PBX2: variants seen among roughly 807,000 people sequenced by gnomAD.
PBX2 encodes the protein pre-B-cell leukemia transcription factor 2.
A neutral mutation model predicts 46.5 loss-of-function variants in PBX2; 10 were observed. The observed-to-expected ratio is 0.21, with a 90% CI of 0.13 to 0.36. The LOEUF (loss-of-function observed/expected upper bound fraction) is 0.36, where lower values mean the gene tolerates loss of function less well. Ranked by LOEUF, PBX2 falls within the 10% of genes least tolerant of loss-of-function variation. The pLI, the probability that PBX2 is intolerant of heterozygous loss-of-function variation, is 1.00. For missense variants in PBX2, 392 were observed against 580.5 expected (o/e 0.68, Z 3.34); for synonymous variants, 160 against 222.5 (o/e 0.72, Z 2.50).
In PBX2 at chr6:32,188,931, T is replaced by G; in HGVS notation, c.222-135A>C. On this transcript the variant is annotated intron_variant, in intron 1 of 8. Coordinates refer to ENST00000375050, the MANE Select transcript of PBX2 (RefSeq NM_002586.5). This position sits in a 1 kb window ranked among gnomAD's most constrained non-coding sequence, Gnocchi z 6.5. ...GATTGGGGGTGGAATGAGTTGGGGG[T>G]GGAATGAGGAGTTCTTGGGAAAAGA... 3 of 691,232 alleles carry G rather than the reference T, an allele frequency of 4.3e-6. No individual in the cohort carries two copies. Among genetic ancestry groups the G allele is most frequent in the African/African-American group, 1.8e-5 (1 of 55,168 alleles). The allele number at this position is 691,232 out of a possible 1,614,324, so 42.8% of individuals were successfully genotyped here. A position where few individuals can be genotyped will look rare whatever the true frequency, so the allele number is the denominator to read the frequency against.
In PBX2 at chr6:32,187,242, C is replaced by T; in HGVS notation, c.1024G>A (p.Gly342Ser). ...TSSPTPPSSA[G>S]SGGSFNLSGS... Reference sequence around the variant, plus strand: ...CAGCCGGGGTGACAGTGGGATCCACCTGCAGAGGAAGGGGGTGTCGGGGAG... The same window carrying T: ...CAGCCGGGGTGACAGTGGGATCCACTTGCAGAGGAAGGGGGTGTCGGGGAG... The change falls in exon 6 of 9, where the codon GGC becomes AGC. Residue 342 changes from glycine to serine, a missense_variant and splice_region_variant. Transcript: ENST00000375050. This position sits in a 1 kb window ranked among gnomAD's most constrained non-coding sequence, Gnocchi z 7.7. 6.2e-7 allele frequency: 1 copy of T among 1,612,816 alleles called. No individual in the cohort carries two copies. Among genetic ancestry groups the T allele is most frequent in the East Asian group, 2.2e-5 (1 of 44,892 alleles).
At position 32,188,961 on chromosome 6, in the gene PBX2, C is replaced by T; in HGVS notation, c.222-165G>A. ...TGAGGAGTTCTTGGGAAAAGATCAGCTCCCAGAGCATGGGGAAGCTCCTCA... is the reference window on the plus strand; with the variant it reads ...TGAGGAGTTCTTGGGAAAAGATCAGTTCCCAGAGCATGGGGAAGCTCCTCA... On this transcript the variant is annotated intron_variant, in intron 1 of 8. Transcript: ENST00000375050. This position sits in a 1 kb window ranked among gnomAD's most constrained non-coding sequence, Gnocchi z 6.5. 1.6e-6 allele frequency: 1 copy of T among 632,138 alleles called. No individual in the cohort carries two copies. Among genetic ancestry groups the T allele is most frequent in the East Asian group, 2.7e-5 (1 of 37,138 alleles). The allele number at this position is 632,138 out of a possible 1,614,324, so 39.2% of individuals were successfully genotyped here. A position where few individuals can be genotyped will look rare whatever the true frequency, so the allele number is the denominator to read the frequency against.
At position 32,186,712 on chromosome 6, in the gene PBX2, A is replaced by T. The variant is rs781731022; in HGVS notation, c.1114-22T>A. ...CCACCTGCAGGCAGCAGAGGAAGGT[A>T]TGACAGTGAAGAGAAGCCTCAGAGG... On this transcript the variant is annotated intron_variant, in intron 7 of 8. Coordinates refer to ENST00000375050, the MANE Select transcript of PBX2 (RefSeq NM_002586.5). The surrounding 1 kb of genome is among the most constrained non-coding windows in gnomAD (Gnocchi z 4.2). The T allele has an allele frequency of 6.2e-7, 1 of 1,604,246 alleles. No homozygotes were observed. The highest frequency in any genetic ancestry group is 8.5e-7 in the Non-Finnish European group (1 of 1,170,974).
Position 32,187,084 on chromosome 6 carries a change from C to T in PBX2, c.1024+158G>A. On this transcript the variant is annotated intron_variant, in intron 6 of 8. Coordinates refer to ENST00000375050, the MANE Select transcript of PBX2 (RefSeq NM_002586.5). This position sits in a 1 kb window ranked among gnomAD's most constrained non-coding sequence, Gnocchi z 7.7. ...GGGAAGAAAGGCAGAACTAAGATCA[C>T]TGGAATGGCCTCTGTCCCCTGACAT... The T allele has an allele frequency of 2.8e-6, 3 of 1,063,400 alleles. No individual in the cohort carries two copies. Among genetic ancestry groups the T allele is most frequent in the South Asian group, 1.5e-5 (1 of 65,144 alleles). The allele number at this position is 1,063,400 out of a possible 1,614,324, so 65.9% of individuals were successfully genotyped here.
Position 32,187,593 on chromosome 6 carries a change from T to C in PBX2, c.870+54A>G. 4 of 1,555,870 alleles carry C rather than the reference T, an allele frequency of 2.6e-6. No individual in the cohort carries two copies. Among genetic ancestry groups the C allele is most frequent in the East Asian group, 2.3e-5 (1 of 42,642 alleles). ...GATTACAGGAACACACCACTGCACC[T>C]AGCTGAGATGCGTGCACTTTGCCTG... On this transcript the variant is annotated intron_variant, in intron 5 of 8. Transcript: ENST00000375050. The surrounding 1 kb of genome is among the most constrained non-coding windows in gnomAD (Gnocchi z 7.7).
At position 32,186,570 on chromosome 6, in the gene PBX2, A is replaced by T; in HGVS notation, c.1200+34T>A. ...GGAAAATGCCCCTCTGTCCTGTGAG[A>T]ACTGGACAGAGAGGAGCTTCAGGAT... is the stretch of plus-strand genomic sequence containing the variant. On this transcript the variant is annotated intron_variant, in intron 8 of 8. Coordinates refer to ENST00000375050, the MANE Select transcript of PBX2 (RefSeq NM_002586.5). The surrounding 1 kb of genome is among the most constrained non-coding windows in gnomAD (Gnocchi z 4.2). 6.4e-7 allele frequency: 1 copy of T among 1,563,784 alleles called. No individual in the cohort carries two copies. The highest frequency in any genetic ancestry group is 8.8e-7 in the Non-Finnish European group (1 of 1,134,078).
Position 32,189,865 on chromosome 6 carries a change from GC to G in PBX2, c.50del (p.Gly17AlafsTer5), listed in dbSNP as rs773143486. ...CAGGCTCCCCACTCACCAATCCCAG[GC>G]CCCCCCGGCCCCCGCCTGGAGGGGG... ...GPPPPGGGRG[G>X]LGLVSGEPGG... On this transcript the variant is annotated frameshift_variant, in exon 1 of 9. Coordinates refer to ENST00000375050, the MANE Select transcript of PBX2 (RefSeq NM_002586.5). LOFTEE classifies it high-confidence loss of function. The surrounding 1 kb of genome is among the most constrained non-coding windows in gnomAD (Gnocchi z 4.7). 7.9e-5 allele frequency: 117 copies of G among 1,481,738 alleles called. No homozygotes were observed. Among genetic ancestry groups the G allele is most frequent in the Middle Eastern group, 2.4e-4 (1 of 4,154 alleles). The allele number at this position is 1,481,738 out of a possible 1,614,324, so 91.8% of individuals were successfully genotyped here.
rs745957488 is a variant in PBX2 at position 32,188,451 on chromosome 6, G to C, written c.349C>G (p.Arg117Gly). ...EEEPVDPQLM[R>G]LDNMLLAEGV... is the part of the protein sequence containing the mutation. Reference sequence around the variant, plus strand: ...TCTGCCAGAAGCATGTTGTCCAAGCGCATCAGCTGTGGGTCCACCGGCTCC... The same window carrying C: ...TCTGCCAGAAGCATGTTGTCCAAGCCCATCAGCTGTGGGTCCACCGGCTCC... Residue 117 changes from arginine (R) to glycine (G), a missense_variant, in exon 3 of 9, where the codon CGC (arginine) becomes GGC (glycine). By Grantham distance (125) the Arg-to-Gly change is moderately radical. This residue lies in a region of PBX2 where 196 missense variants were observed against 246.9 expected (regional missense o/e 0.79). Transcript: ENST00000375050. This position sits in a 1 kb window ranked among gnomAD's most constrained non-coding sequence, Gnocchi z 6.5. 3 of 1,613,914 alleles carry C rather than the reference G, an allele frequency of 1.9e-6. No individual in the cohort carries two copies. The highest frequency in any genetic ancestry group is 2.7e-5 in the African/African-American group (2 of 74,880).
chr6:32,189,116 AGG>A lies in PBX2; in HGVS notation c.222-322_222-321del. ...AGGAAAGTGACTTGGTAGGTTTCAG[AGG>A]GAGAGAGACAGAGGCTGGGGTTGAG... On this transcript the variant is annotated intron_variant, in intron 1 of 8. Coordinates refer to ENST00000375050, the MANE Select transcript of PBX2 (RefSeq NM_002586.5). The surrounding 1 kb of genome is among the most constrained non-coding windows in gnomAD (Gnocchi z 4.7). The A allele has an allele frequency of 3.8e-5, 18 of 475,352 alleles. No individual in the cohort carries two copies. Among genetic ancestry groups the A allele is most frequent in the South Asian group, 1.1e-4 (4 of 36,406 alleles). The allele number at this position is 475,352 out of a possible 1,614,324, so 29.4% of individuals were successfully genotyped here. A position where few individuals can be genotyped will look rare whatever the true frequency, so the allele number is the denominator to read the frequency against.
Position 32,185,711 on chromosome 6 carries a change from G to C in PBX2, c.*671C>G, listed in dbSNP as rs1183443325. 2 of 146,828 alleles carry C rather than the reference G, an allele frequency of 1.4e-5. No individual in the cohort carries two copies. Among genetic ancestry groups the C allele is most frequent in the Non-Finnish European group, 3.0e-5 (2 of 65,836 alleles). The allele number at this position is 146,828 out of a possible 1,614,324, so 9.1% of individuals were successfully genotyped here. On this transcript the variant is annotated 3_prime_UTR_variant, in exon 9 of 9. Transcript: ENST00000375050. ...TTTTTCTTTCTTTAAAAAAAAAAAA[G>C]TTCAACCCCAAAGCCCAGTCAATAA...
Position 32,188,007 on chromosome 6 carries a change from G to A in PBX2, c.693C>T (p.Cys231=). ...AIQMQLKQST[C]EAVMILRSRF... ...GGGAGCGCAGGATCATCACAGCCTC[G>A]CAGGTGCTCTGCTTCAGCTGCATCT... The change falls in exon 4 of 9, where the codon TGC becomes TGT. Residue 231 remains cysteine (C), a synonymous_variant. Transcript: ENST00000375050. This position sits in a 1 kb window ranked among gnomAD's most constrained non-coding sequence, Gnocchi z 6.5. 15 of 1,582,228 alleles carry A rather than the reference G, an allele frequency of 9.5e-6. No homozygotes were observed. Among genetic ancestry groups the A allele is most frequent in the Non-Finnish European group, 1.3e-5 (15 of 1,162,616 alleles).
Position 32,188,040 on chromosome 6 carries a change from G to A in PBX2, c.660C>T (p.Ser220=), listed in dbSNP as rs1340599910. ...RMVSIIHRKF[S]AIQMQLKQST... ...TCTGCTTCAGCTGCATCTGGATGGC[G>A]CTGAACTTTCGATGGATGATGCTCA... Residue 220 remains serine, a synonymous_variant, in exon 4 of 9, where the codon AGC becomes AGT. Transcript: ENST00000375050. This position sits in a 1 kb window ranked among gnomAD's most constrained non-coding sequence, Gnocchi z 6.5. The A allele has an allele frequency of 6.3e-7, 1 of 1,592,634 alleles. No homozygotes were observed. The highest frequency in any genetic ancestry group is 2.3e-5 in the East Asian group (1 of 44,236).
Position 32,189,649 on chromosome 6 carries a change from C to T in PBX2, c.221+46G>A. On this transcript the variant is annotated intron_variant, in intron 1 of 8. Coordinates refer to ENST00000375050, the MANE Select transcript of PBX2 (RefSeq NM_002586.5). The surrounding 1 kb of genome is among the most constrained non-coding windows in gnomAD (Gnocchi z 4.7). Reference sequence around the variant, plus strand: ...TCCCAGAAGATTCAGAACATGTGAACGGGGTTTGCTGGGTCTGTGTGGGGT... The same window carrying T: ...TCCCAGAAGATTCAGAACATGTGAATGGGGTTTGCTGGGTCTGTGTGGGGT... 7.0e-7 allele frequency: 1 copy of T among 1,435,650 alleles called. No individual in the cohort carries two copies. Among genetic ancestry groups the T allele is most frequent in the Non-Finnish European group, 9.7e-7 (1 of 1,029,652 alleles). The allele number at this position is 1,435,650 out of a possible 1,614,324, so 88.9% of individuals were successfully genotyped here. A position where few individuals can be genotyped will look rare whatever the true frequency, so the allele number is the denominator to read the frequency against.
chr6:32,184,973 C>T lies in PBX2; in HGVS notation c.*1409G>A, dbSNP rs1177246696. On this transcript the variant is annotated 3_prime_UTR_variant, in exon 9 of 9. Transcript: ENST00000375050. ...GGATCAGATGGTAGCTAGTTCAGGG[C>T]TGAGGATGGGACAGTGTTGATGTTA... 6.6e-6 allele frequency: 1 copy of T among 152,444 alleles called. No homozygotes were observed. The highest frequency in any genetic ancestry group is 1.5e-5 in the Non-Finnish European group (1 of 68,010). The allele number at this position is 152,444 out of a possible 1,614,324, so 9.4% of individuals were successfully genotyped here.
chr6:32,186,529 G>A lies in PBX2; in HGVS notation c.1201-55C>T. On this transcript the variant is annotated intron_variant, in intron 8 of 8. Coordinates refer to ENST00000375050, the MANE Select transcript of PBX2 (RefSeq NM_002586.5). The surrounding 1 kb of genome is among the most constrained non-coding windows in gnomAD (Gnocchi z 4.2). ...GAGAAAGCCCTGGGAACCCTGTGTG[G>A]GCACAACATTACTAGGGAAAATGCC... 2.5e-6 allele frequency: 4 copies of A among 1,576,486 alleles called. No individual in the cohort carries two copies. Among genetic ancestry groups the A allele is most frequent in the Non-Finnish European group, 3.5e-6 (4 of 1,145,806 alleles).
Position 32,188,264 on chromosome 6 carries a change from T to C in PBX2, c.536A>G (p.Tyr179Cys). 1 of 1,613,880 alleles carries C rather than the reference T, an allele frequency of 6.2e-7. No individual in the cohort carries two copies. Among genetic ancestry groups the C allele is most frequent in the Non-Finnish European group, 8.5e-7 (1 of 1,180,018 alleles). ...RHIYHSELEK[Y>C]EQACNEFTTH... The stretch of plus-strand genomic sequence containing the variant: ...CAAGCCTCCTCTCCTTACCTGCTCA[T>C]ACTTCTCCAGCTCCGAGTGGTATAT... The change falls in exon 3 of 9, where the codon TAT (tyrosine) becomes TGT (cysteine). Residue 179 changes from tyrosine (Y) to cysteine (C), a missense_variant. This residue lies in a region of PBX2 where 196 missense variants were observed against 246.9 expected (regional missense o/e 0.79). Transcript: ENST00000375050. The surrounding 1 kb of genome is among the most constrained non-coding windows in gnomAD (Gnocchi z 6.5).
Position 32,188,066 on chromosome 6 carries a change from C to T in PBX2, c.634G>A (p.Val212Met), listed in dbSNP as rs770683569. The T allele has an allele frequency of 1.3e-6, 2 of 1,597,478 alleles. No homozygotes were observed. Residue 212 changes from valine (V) to methionine (M), a missense_variant, in exon 4 of 9, where the codon GTG becomes ATG. Transcript: ENST00000375050. The surrounding 1 kb of genome is among the most constrained non-coding windows in gnomAD (Gnocchi z 6.5). ...PVAPKEMERM[V>M]SIIHRKFSAI... ...CTGAACTTTCGATGGATGATGCTCACCATGCGTTCCATCTCTTTGGGGGCC... is the reference window on the plus strand; with the variant it reads ...CTGAACTTTCGATGGATGATGCTCATCATGCGTTCCATCTCTTTGGGGGCC...
Position 32,185,834 on chromosome 6 carries a change from A to AG in PBX2, c.*547dup, listed in dbSNP as rs1381052243. 6.6e-6 allele frequency: 1 copy of AG among 152,622 alleles called. No homozygotes were observed. The highest frequency in any genetic ancestry group is 1.5e-5 in the Non-Finnish European group (1 of 68,638). 9.5% of individuals were successfully genotyped at this position (152,622 alleles called of 1,614,324 possible). On this transcript the variant is annotated 3_prime_UTR_variant, in exon 9 of 9. Transcript: ENST00000375050. ...ATTGGTTTAAGATGAGCTGCGTATG[A>AG]GGTAAGTAAGCCGTCCGGAGGGGCG...
In PBX2 at chr6:32,189,159, A is replaced by G; in HGVS notation, c.222-363T>C. 1 of 382,406 alleles carries G rather than the reference A, an allele frequency of 2.6e-6. No homozygotes were observed. The highest frequency in any genetic ancestry group is 4.9e-6 in the Non-Finnish European group (1 of 205,410). The allele number at this position is 382,406 out of a possible 1,614,324, so 23.7% of individuals were successfully genotyped here. On this transcript the variant is annotated intron_variant, in intron 1 of 8. Coordinates refer to ENST00000375050, the MANE Select transcript of PBX2 (RefSeq NM_002586.5). This position sits in a 1 kb window ranked among gnomAD's most constrained non-coding sequence, Gnocchi z 4.7. ...TGGGGTTGAGAAGAGTCAGAGTTTG[A>G]GGTGGCAGAGTGGGGCTGGGGGTGC...
Sources: allele counts gnomAD v4.1 joint callset, GRCh38; gene constraint gnomAD v4.1.1; regional missense constraint gnomAD v4.1.1; non-coding constraint Gnocchi (gnomAD v3.1); transcripts MANE v1.5; gene names NCBI Gene and HGNC (gene_info 2026-07-23, HGNC 2026-07-21).